Variants in C6orf132 observed in about 807,000 individuals in gnomAD.
C6orf132 encodes the protein chromosome 6 open reading frame 132.
In C6orf132, 43 loss-of-function variants were observed where a neutral mutation model predicts 65.3. The ratio of observed to expected loss-of-function variants is 0.66; its 90% CI spans 0.52 to 0.85. C6orf132 has a LOEUF of 0.85. Ranked by LOEUF, C6orf132 falls within the 40% of genes least tolerant of loss-of-function variation. The pLI, the probability that C6orf132 is intolerant of heterozygous loss-of-function variation, is 0.00. For missense variants in C6orf132, 1,488 were observed against 1,548.8 expected, an observed-to-expected ratio of 0.96 and a Z score of 0.66; for synonymous variants, 631 against 654.1, an observed-to-expected ratio of 0.96 and a Z score of 0.54.
chr6:42,115,758 A>T (rs1766557171), intron 2 of C6orf132, among the ~76,000 whole-genome samples: 1 of 152,156 alleles, frequency 6.6e-6, no homozygotes, highest in Non-Finnish European at 1.5e-5. Flanking sequence ...CAAAAGAAAA[A>T]GTGTTGGGGG....
chr6:42,134,553 C>T (rs1766908553), intron 1 of C6orf132, among the ~76,000 whole-genome samples: 1 of 152,102 alleles, frequency 6.6e-6, no homozygotes. Flanking sequence ...GCGGGTGGAT[C>T]ACCTGAGGTC....
At chr6:42,136,832 G>C (rs1460924397) in intron 1 of C6orf132, among the ~76,000 whole-genome samples, 1 of 152,142 alleles carries the variant, frequency 6.6e-6, no homozygotes, top group Non-Finnish European at 1.5e-5. Context: ...GGGAGGAGGG[G>C]CAGGGAGCCA....
rs1766423913 is a variant in C6orf132 at position 42,107,086 on chromosome 6, G to C, written c.826C>G (p.Pro276Ala). The C allele has an allele frequency of 1.4e-6, 2 of 1,468,406 alleles. No homozygotes were observed. Among genetic ancestry groups the C allele is most frequent in the African/African-American group, 1.4e-5 (1 of 70,070 alleles). 91.0% of individuals were successfully genotyped at this position (1,468,406 alleles called of 1,614,324 possible). ...GRQAEATRAS[P>A]PRSPAEPKGS... is the part of the protein sequence containing the mutation. ...TTTGGCTCAGCAGGGCTTCTCGGGG[G>C]GCTGGCTCTGGTGGCCTCTGCCTGC... is the stretch of plus-strand genomic sequence containing the variant. Residue 276 changes from proline to alanine, a missense_variant, in exon 4 of 5, where the codon CCC (proline) becomes GCC (alanine). Pro to Ala is a conservative substitution (Grantham distance 27). Transcript: ENST00000341865.
At position 42,106,629 on chromosome 6, in the gene C6orf132, G is replaced by C; in HGVS notation, c.1283C>G (p.Ala428Gly). The change falls in exon 4 of 5, where the codon GCT becomes GGT. Residue 428 changes from alanine to glycine, a missense_variant. By Grantham distance (60) the Ala-to-Gly change is moderately conservative. Transcript: ENST00000341865. ...PCAQKAAHPPAGFTKTPKSSS... is the reference protein window; with the variant it reads ...PCAQKAAHPPGGFTKTPKSSS... Reference sequence around the variant, plus strand: ...GGATTTAGGGGTTTTTGTAAACCCAGCAGGTGGATGGGCTGCCTTCTGAGC... The same window carrying C: ...GGATTTAGGGGTTTTTGTAAACCCACCAGGTGGATGGGCTGCCTTCTGAGC... The C allele has an allele frequency of 2.6e-6, 4 of 1,534,722 alleles. No individual in the cohort carries two copies. The highest frequency in any genetic ancestry group is 3.5e-6 in the Non-Finnish European group (4 of 1,146,572).
At position 42,140,863 on chromosome 6, in the gene C6orf132, G is replaced by A. The variant is rs138860861; in HGVS notation, c.145+1437C>T. ...TAAATGGTCTTTCCATGGTGCCTCC[G>A]TTGAGAGGGAAAGAAGTGTCCTGGC... On this transcript the variant is annotated intron_variant, in intron 1 of 4. Coordinates refer to ENST00000341865, the MANE Select transcript of C6orf132 (RefSeq NM_001164446.3). Among the ~76,000 whole-genome samples the A allele has an allele frequency of 7.9e-3, 1,210 of 152,270 alleles. 8 individuals are homozygous for A. The highest frequency in any genetic ancestry group is 0.023 in the South Asian group (111 of 4,828).
rs1326598961 is a variant in C6orf132 at position 42,106,203 on chromosome 6, A to C, written c.1709T>G (p.Leu570Arg). Reference sequence around the variant, plus strand: ...TGCTGCTGAGGAGAGCCGGGCCTCCAGCTCATTCCGGATCTGCCGCACACT... The same window carrying C: ...TGCTGCTGAGGAGAGCCGGGCCTCCCGCTCATTCCGGATCTGCCGCACACT... ...TPSVRQIRNE[L>R]EARLSSAAEK... The change falls in exon 4 of 5, where the codon CTG becomes CGG. Residue 570 changes from leucine to arginine, a missense_variant. Leu to Arg is a moderately radical substitution (Grantham distance 102). Coordinates refer to ENST00000341865, the MANE Select transcript of C6orf132 (RefSeq NM_001164446.3). 1.3e-6 allele frequency: 2 copies of C among 1,537,222 alleles called. No homozygotes were observed. Among genetic ancestry groups the C allele is most frequent in the Non-Finnish European group, 1.7e-6 (2 of 1,146,904 alleles).
intron 2 of C6orf132, among the ~76,000 whole-genome samples, chr6:42,128,148 G>A (rs1025825667): frequency 3.2e-4 from 47 of 148,746 alleles, no homozygotes; most frequent in Non-Finnish European, 6.1e-4. Flanking sequence ...GGATGGTCTC[G>A]ATCTCCTGAC....
rs991169531 is a variant in C6orf132, at chr6:42,106,106, T to G, written c.1806A>C (p.Glu602Asp). 2.0e-6 allele frequency: 3 copies of G among 1,537,266 alleles called. No individual in the cohort carries two copies. Among genetic ancestry groups the G allele is most frequent in the Non-Finnish European group, 2.6e-6 (3 of 1,146,920 alleles). ...AGAGTTTGTCATCATCAGCCCCGTT[T>G]TCACAAATTCTTCCCCCTTCTAGCC... ...KPRLEGGRIC[E>D]NGADDDKLSK... The change falls in exon 4 of 5, where the codon GAA becomes GAC. Residue 602 changes from glutamate to aspartate, a missense_variant. Physicochemically the swap from Glu to Asp is conservative, Grantham distance 45. Coordinates refer to ENST00000341865, the MANE Select transcript of C6orf132 (RefSeq NM_001164446.3).
In C6orf132 at chr6:42,126,730, C is replaced by G. The variant is rs1351588811; in HGVS notation, c.252+1942G>C. The G allele has an allele frequency of 6.5e-5, 22 of 341,040 alleles. 1 individual carries two copies. Among genetic ancestry groups the G allele is most frequent in the Non-Finnish European group, 7.4e-5 (14 of 189,444 alleles). The allele number at this position is 341,040 out of a possible 1,614,324, so 21.1% of individuals were successfully genotyped here. On this transcript the variant is annotated intron_variant, in intron 2 of 4. Coordinates refer to ENST00000341865, the MANE Select transcript of C6orf132 (RefSeq NM_001164446.3). ...TGGTGGTGGGCACCTGTAATCCCAGCTACTTGGGAGGCTGAGGCAGGAGAA... is the reference window on the plus strand; with the variant it reads ...TGGTGGTGGGCACCTGTAATCCCAGGTACTTGGGAGGCTGAGGCAGGAGAA...
chr6:42,125,850 C>CAG (rs1766755815), intron 2 of C6orf132, among the ~76,000 whole-genome samples: 1 of 151,980 alleles, frequency 6.6e-6, no homozygotes, highest in Non-Finnish European at 1.5e-5. Context: ...AAACCAGAGC[C>CAG]AGAGAGGGCT....
chr6:42,140,720 C>A (rs1243580230), intron 1 of C6orf132, among the ~76,000 whole-genome samples: 3 of 152,226 alleles, frequency 2.0e-5, no homozygotes, highest in Non-Finnish European at 4.4e-5. Flanking sequence ...CCCTGTGCCT[C>A]AGTCTCCTCA....
At chr6:42,142,189 C>A in intron 1 of C6orf132, 111 bp downstream of exon 1, 2 of 1,269,542 alleles carry the variant, frequency 1.6e-6, no homozygotes, top group Non-Finnish European at 2.1e-6. Flanking sequence ...TCGGCCAGTC[C>A]GCAGGTTCCA....
At chr6:42,139,898 C>G (rs1767006604) in intron 1 of C6orf132, among the ~76,000 whole-genome samples, 1 of 152,174 alleles carries the variant, frequency 6.6e-6, no homozygotes, top group Non-Finnish European at 1.5e-5. Flanking sequence ...ACACTATCCC[C>G]TTTAACAGAA....
rs1406646012 is a variant in C6orf132 at position 42,115,913 on chromosome 6, T to C, written c.253-5622A>G. On this transcript the variant is annotated intron_variant, in intron 2 of 4. Coordinates refer to ENST00000341865, the MANE Select transcript of C6orf132 (RefSeq NM_001164446.3). ...CTTTCAGCACTTTCTTTTTTTTTTTTTCTTTTTTCTTTTTCTTTTTCTTTT... is the reference window on the plus strand; with the variant it reads ...CTTTCAGCACTTTCTTTTTTTTTTTCTCTTTTTTCTTTTTCTTTTTCTTTT... Among the ~76,000 whole-genome samples, 2 of 149,756 alleles carry C rather than the reference T, an allele frequency of 1.3e-5. 1 individual carries two copies. Among genetic ancestry groups the C allele is most frequent in the African/African-American group, 4.9e-5 (2 of 40,480 alleles).
intron 1 of C6orf132, among the ~76,000 whole-genome samples, chr6:42,132,019 A>G (rs7763363): frequency 0.26 from 38,928 of 151,922 alleles, 5,553 homozygotes; most frequent in African/African-American, 0.38. Context: ...AGAGGCGCTC[A>G]GCTGCCATGG....
At chr6:42,112,599 G>A (rs576934918) in intron 2 of C6orf132, among the ~76,000 whole-genome samples, 2 of 152,268 alleles carry the variant, frequency 1.3e-5, no homozygotes, top group Admixed American at 6.5e-5. Flanking sequence ...TCCCCTGTCC[G>A]CACCACACTG....
rs758191380 is a variant in C6orf132, at chr6:42,104,386, G to A, written c.3449+77C>T. ...GAAAACCAAATGTTTTCTCTTGACG[G>A]ATGGCCGGGACTCCTTGGCCCTCGC... On this transcript the variant is annotated intron_variant, in intron 4 of 4. Transcript: ENST00000341865. This position sits in a 1 kb window ranked among gnomAD's most constrained non-coding sequence, Gnocchi z 4.1. 593 of 1,226,122 alleles carry A rather than the reference G, an allele frequency of 4.8e-4. No individual in the cohort carries two copies. Among genetic ancestry groups the A allele is most frequent in the Non-Finnish European group, 5.8e-4 (569 of 984,770 alleles). The allele number at this position is 1,226,122 out of a possible 1,614,324, so 76.0% of individuals were successfully genotyped here.
Position 42,104,323 on chromosome 6 carries a change from G to T in C6orf132, c.3449+140C>A. The T allele has an allele frequency of 1.6e-6, 2 of 1,212,716 alleles. No homozygotes were observed. Among genetic ancestry groups the T allele is most frequent in the African/African-American group, 3.1e-5 (2 of 63,920 alleles). The allele number at this position is 1,212,716 out of a possible 1,614,324, so 75.1% of individuals were successfully genotyped here. On this transcript the variant is annotated intron_variant, in intron 4 of 4. Coordinates refer to ENST00000341865, the MANE Select transcript of C6orf132 (RefSeq NM_001164446.3). The surrounding 1 kb of genome is among the most constrained non-coding windows in gnomAD (Gnocchi z 4.1). ...CAACAGCGCCCTCTCCCGGTAAGTG[G>T]GCCTCCCTCCCGCGTTCTACCTGCA...
At position 42,103,514 on chromosome 6, in the gene C6orf132, C is replaced by T; in HGVS notation, c.*247G>A. 1 of 390,452 alleles carries T rather than the reference C, an allele frequency of 2.6e-6. No homozygotes were observed. The highest frequency in any genetic ancestry group is 2.1e-5 in the African/African-American group (1 of 48,574). 24.2% of individuals were successfully genotyped at this position (390,452 alleles called of 1,614,324 possible). A position where few individuals can be genotyped will look rare whatever the true frequency, so the allele number is the denominator to read the frequency against. ...TCCTTAATGGTTCCTTCTCTCTACC[C>T]TCCTTCCCCTCCCACCCCCCACGTG... On this transcript the variant is annotated 3_prime_UTR_variant, in exon 5 of 5. Coordinates refer to ENST00000341865, the MANE Select transcript of C6orf132 (RefSeq NM_001164446.3).
Sources: gnomAD v4.1 joint callset for allele counts (sites outside exome capture counted in the v4.1 genomes callset) on GRCh38, gnomAD v4.1.1 for gene constraint, Gnocchi (gnomAD v3.1) non-coding constraint, MANE v1.5 for transcripts, NCBI Gene and HGNC (gene_info 2026-07-23, HGNC 2026-07-21) for gene names.